SCHIP1: variants seen among roughly 807,000 people sequenced by gnomAD.
SCHIP1 encodes schwannomin interacting protein 1.
In SCHIP1, 8 loss-of-function variants were observed where a neutral mutation model predicts 29.7. That is an observed-to-expected ratio of 0.27 (90% confidence interval 0.16 to 0.49). The LOEUF (loss-of-function observed/expected upper bound fraction) is 0.49, where lower values mean the gene tolerates loss of function less well. Ranked by LOEUF, SCHIP1 falls within the 20% of genes least tolerant of loss-of-function variation. SCHIP1 has a pLI of 0.99. For missense variants in SCHIP1, 193 were observed against 294.6 expected (o/e 0.66, Z 2.52); for synonymous variants, 76 against 94.9 (o/e 0.80, Z 1.16).
At chr3:159,428,243 T>A in the SCHIP1 span, among the ~76,000 whole-genome samples, 22 of 152,152 alleles carry the variant, frequency 1.4e-4, no homozygotes, top group Non-Finnish European at 4.4e-5. Context: ...GAAGCTACCG[T>A]CAGAGTGAAC....
At chr3:159,848,780 G>A (rs1436196549) in intron 1 of SCHIP1, among the ~76,000 whole-genome samples, 1 of 152,058 alleles carries the variant, frequency 6.6e-6, no homozygotes, top group Non-Finnish European at 1.5e-5. Context: ...CACACTTTGA[G>A]TAGCAAAACT....
chr3:159,772,497 A>C, the SCHIP1 span, among the ~76,000 whole-genome samples: 1 of 152,210 alleles, frequency 6.6e-6, no homozygotes, highest in East Asian at 1.9e-4. Flanking sequence ...ATGTCTCTTA[A>C]CAGTCCAACT....
chr3:159,626,165 GATAT>G, the SCHIP1 span, among the ~76,000 whole-genome samples: 319 of 97,248 alleles, frequency 3.3e-3, 24 homozygotes, highest in African/African-American at 0.028. Context: ...TATATATCTA[GATAT>G]ATCTATCTAT....
exon 1 of SCHIP1, chr3:159,840,073 C>A (rs1744077391): frequency 6.6e-7 from 1 of 1,516,964 alleles, no homozygotes; most frequent in Non-Finnish European, 8.8e-7. Context: ...CTGCGGGGAG[C>A]CCCTGCCTTA....
the SCHIP1 span, among the ~76,000 whole-genome samples, chr3:159,648,337 C>G: frequency 1.1e-4 from 16 of 152,106 alleles, no homozygotes; most frequent in African/African-American, 3.9e-4. Flanking sequence ...GTCAGGCTGA[C>G]CTTGTTTAGA....
the SCHIP1 span, among the ~76,000 whole-genome samples, chr3:159,399,219 C>T: frequency 6.6e-6 from 1 of 152,132 alleles, no homozygotes; most frequent in Non-Finnish European, 1.5e-5. Context: ...TGTGGCCTTA[C>T]CAAGATCACA....
the SCHIP1 span, among the ~76,000 whole-genome samples, chr3:159,348,984 T>A: frequency 3.9e-5 from 6 of 152,204 alleles, no homozygotes; most frequent in African/African-American, 4.8e-5. Flanking sequence ...GTTTAAGTAG[T>A]CTGGCTGAGT....
chr3:159,474,175 A>G, the SCHIP1 span, among the ~76,000 whole-genome samples: 1 of 152,176 alleles, frequency 6.6e-6, no homozygotes. Context: ...ATATGAGACC[A>G]AAATATCCCA....
At chr3:159,595,674 G>T in the SCHIP1 span, among the ~76,000 whole-genome samples, 2 of 152,034 alleles carry the variant, frequency 1.3e-5, no homozygotes, top group Admixed American at 1.3e-4. Context: ...AAGAATACCA[G>T]AACTTAAACA....
At chr3:159,326,375 A>G in the SCHIP1 span, among the ~76,000 whole-genome samples, 1 of 152,216 alleles carries the variant, frequency 6.6e-6, no homozygotes, top group African/African-American at 2.4e-5. Context: ...TTCCAAAAGT[A>G]CATCAGCTAA....
chr3:159,697,970 A>G, the SCHIP1 span, among the ~76,000 whole-genome samples: 1 of 152,236 alleles, frequency 6.6e-6, no homozygotes, highest in African/African-American at 2.4e-5. Flanking sequence ...GATTAAAAGG[A>G]TAGTTAAAGA....
chr3:159,548,492 C>T, the SCHIP1 span, among the ~76,000 whole-genome samples: 1 of 151,858 alleles, frequency 6.6e-6, no homozygotes, highest in Admixed American at 6.6e-5. Flanking sequence ...TACCAAAAAT[C>T]ATTTTTTTCT....
At chr3:159,423,235 A>G in the SCHIP1 span, among the ~76,000 whole-genome samples, 145,673 of 152,338 alleles carry the variant, frequency 0.96, 69,687 homozygotes, top group Admixed American at 0.97. Flanking sequence ...CACCATGCGC[A>G]AGGTGAAGCA....
the SCHIP1 span, among the ~76,000 whole-genome samples, chr3:159,567,416 T>G: frequency 1.3e-5 from 2 of 152,286 alleles, no homozygotes; most frequent in East Asian, 3.9e-4. Flanking sequence ...CACAAGATAT[T>G]CACCATCTCT....
the SCHIP1 span, among the ~76,000 whole-genome samples, chr3:159,426,011 C>A: frequency 2.6e-5 from 4 of 152,086 alleles, no homozygotes; most frequent in African/African-American, 9.7e-5. Flanking sequence ...AAAGACACAA[C>A]ATACCAGAAT....
the SCHIP1 span, among the ~76,000 whole-genome samples, chr3:159,363,748 G>A: frequency 4.4e-4 from 67 of 152,300 alleles, no homozygotes; most frequent in Non-Finnish European, 7.5e-4. Context: ...TCCAAGTGTG[G>A]TGTTTGGGAT....
the SCHIP1 span, among the ~76,000 whole-genome samples, chr3:159,286,584 T>C: frequency 6.6e-6 from 1 of 152,198 alleles, no homozygotes; most frequent in Non-Finnish European, 1.5e-5. Flanking sequence ...TTTGAGTATA[T>C]ACCTAATAAT....
the SCHIP1 span, among the ~76,000 whole-genome samples, chr3:159,299,367 C>A: frequency 6.6e-6 from 1 of 152,142 alleles, no homozygotes; most frequent in Admixed American, 6.5e-5. Context: ...GAAGTCTATA[C>A]AGGTGCTGGT....
chr3:159,391,858 T>A, the SCHIP1 span, among the ~76,000 whole-genome samples: 1 of 152,204 alleles, frequency 6.6e-6, no homozygotes. Context: ...CTTACCCATG[T>A]CTACACAGCA....
Sources: allele counts gnomAD v4.1 joint callset (sites outside exome capture counted in the v4.1 genomes callset), GRCh38; gene constraint gnomAD v4.1.1; transcripts MANE v1.5; gene names NCBI Gene and HGNC (gene_info 2026-07-23, HGNC 2026-07-21).